Variants in RSU1 observed in about 807,000 individuals in gnomAD.
RSU1 encodes the protein Ras suppressor protein 1.
RSU1 carries 26 observed loss-of-function variants against 31.1 expected under a neutral mutation model. The observed-to-expected ratio is 0.84, with a 90% CI of 0.61 to 1.16. RSU1 has a LOEUF of 1.16. Ranked by LOEUF, RSU1 falls within the 50% of genes most tolerant of loss-of-function variation. The probability of loss-of-function intolerance (pLI) is 0.00; values close to 1 mark genes in which losing one functional copy is unlikely to be tolerated. For missense variants in RSU1, 320 were observed against 339.1 expected (o/e 0.94, Z 0.44); for synonymous variants, 164 against 136.3 (o/e 1.20, Z -1.41).
At chr10:16,770,822 T>C (rs1258536003) in intron 3 of RSU1, among the ~76,000 whole-genome samples, 2 of 152,218 alleles carry the variant, frequency 1.3e-5, no homozygotes, top group South Asian at 2.1e-4. Context: ...AACGCTACTG[T>C]CTCGTGCCCA....
chr10:16,727,235 C>CT (rs1456880398), intron 7 of RSU1: 1 of 427,608 alleles, frequency 2.3e-6, no homozygotes, highest in African/African-American at 2.0e-5. Context: ...CTGGCTGCAT[C>CT]TTTTGTTATA....
At chr10:16,720,252 C>T (rs1836226190) in intron 7 of RSU1, among the ~76,000 whole-genome samples, 2 of 152,162 alleles carry the variant, frequency 1.3e-5, no homozygotes, top group Non-Finnish European at 2.9e-5. Flanking sequence ...TAAACCAGTA[C>T]CTAACCATAG....
At chr10:16,790,322 A>C (rs1837884973) in intron 2 of RSU1, among the ~76,000 whole-genome samples, 1 of 152,180 alleles carries the variant, frequency 6.6e-6, no homozygotes, top group Non-Finnish European at 1.5e-5. Context: ...GGATTATACC[A>C]GCTGTCCCTC....
chr10:16,806,821 T>G (rs1838279545), intron 2 of RSU1, among the ~76,000 whole-genome samples: 1 of 152,198 alleles, frequency 6.6e-6, no homozygotes, highest in Admixed American at 6.5e-5. Flanking sequence ...TGGCGTGATC[T>G]TAGCCCACTG....
intron 7 of RSU1, among the ~76,000 whole-genome samples, chr10:16,711,362 G>T (rs1836015740): frequency 6.6e-6 from 1 of 151,854 alleles, no homozygotes; most frequent in African/African-American, 2.4e-5. Flanking sequence ...TCGTTTTCTT[G>T]ATCTTTTGAA....
intron 8 of RSU1, among the ~76,000 whole-genome samples, chr10:16,620,180 A>C (rs945467777): frequency 1.3e-5 from 2 of 152,204 alleles, no homozygotes; most frequent in African/African-American, 2.4e-5. Flanking sequence ...AGTTTTTCTC[A>C]TAAAAAAGTA....
At chr10:16,802,929 A>G (rs1446879994) in intron 2 of RSU1, among the ~76,000 whole-genome samples, 1 of 152,206 alleles carries the variant, frequency 6.6e-6, no homozygotes, top group East Asian at 1.9e-4. Context: ...AAGATACTTA[A>G]TGTTAAGGAA....
chr10:16,669,023 C>A (rs1252445226), intron 8 of RSU1, among the ~76,000 whole-genome samples: 1 of 152,130 alleles, frequency 6.6e-6, no homozygotes, highest in Non-Finnish European at 1.5e-5. Context: ...TACTGTTGTG[C>A]TTTCTGTAGC....
chr10:16,662,174 G>A (rs1047875656), intron 8 of RSU1, among the ~76,000 whole-genome samples: 4 of 152,184 alleles, frequency 2.6e-5, no homozygotes, highest in African/African-American at 9.7e-5. Context: ...AATTCATTCT[G>A]TAACACCCAC....
intron 8 of RSU1, among the ~76,000 whole-genome samples, chr10:16,606,187 A>C (rs530389857): frequency 1.3e-5 from 2 of 152,238 alleles, no homozygotes; most frequent in East Asian, 3.8e-4. Flanking sequence ...TGATTCTACT[A>C]AATTCCTTTA....
At chr10:16,735,198 A>G (rs1248390523) in intron 7 of RSU1, among the ~76,000 whole-genome samples, 2 of 152,254 alleles carry the variant, frequency 1.3e-5, no homozygotes, top group African/African-American at 4.8e-5. Context: ...GTTAAAAAGC[A>G]ATAAAGACCA....
intron 4 of RSU1, among the ~76,000 whole-genome samples, chr10:16,758,420 C>T (rs1588516569): frequency 6.6e-6 from 1 of 152,180 alleles, no homozygotes. Context: ...ATGCTCAGGG[C>T]CCCGCTCTGA....
At chr10:16,728,535 G>A (rs909972203) in intron 7 of RSU1, among the ~76,000 whole-genome samples, 11 of 152,140 alleles carry the variant, frequency 7.2e-5, no homozygotes, top group African/African-American at 2.4e-4. Flanking sequence ...CAAACGCAAC[G>A]GAACTATGAG....
At chr10:16,636,071 T>C (rs565735078) in intron 8 of RSU1, among the ~76,000 whole-genome samples, 1 of 152,352 alleles carries the variant, frequency 6.6e-6, no homozygotes, top group Admixed American at 6.5e-5. Flanking sequence ...GCTTGGTGTA[T>C]GAAGTACTTC....
intron 8 of RSU1, among the ~76,000 whole-genome samples, chr10:16,692,728 TATTTTTTTAA>T (rs1393085768): frequency 1.3e-5 from 2 of 152,210 alleles, no homozygotes; most frequent in East Asian, 3.9e-4. Flanking sequence ...GCTACATTCG[TATTTTTTTAA>T]AAAAAATTGA....
At position 16,665,189 on chromosome 10, in the gene RSU1, C is replaced by T. The variant is rs1292386532; in HGVS notation, c.731+29834G>A. On this transcript the variant is annotated intron_variant, in intron 8 of 8. Coordinates refer to ENST00000345264, the MANE Select transcript of RSU1 (RefSeq NM_012425.4). ...AAACTCCTCACCTCAGGTGATCCCACCTGCCTCAGCCTCCCAAAGTGCTGG... is the reference window on the plus strand; with the variant it reads ...AAACTCCTCACCTCAGGTGATCCCATCTGCCTCAGCCTCCCAAAGTGCTGG... Among the ~76,000 whole-genome samples, 4 of 152,290 alleles carry T rather than the reference C, an allele frequency of 2.6e-5. No homozygotes were observed. The East Asian group carries it at 7.7e-4, about 29-fold the overall frequency.
At chr10:16,690,784 T>C (rs1471699537) in intron 8 of RSU1, among the ~76,000 whole-genome samples, 1 of 152,174 alleles carries the variant, frequency 6.6e-6, no homozygotes, top group African/African-American at 2.4e-5. Flanking sequence ...TTTAGTTCTT[T>C]ATTCCTCTCA....
At chr10:16,738,768 T>C (rs1378148172) in intron 7 of RSU1, among the ~76,000 whole-genome samples, 1 of 152,196 alleles carries the variant, frequency 6.6e-6, no homozygotes, top group African/African-American at 2.4e-5. Context: ...CATATACACG[T>C]ACCATGGTGG....
intron 2 of RSU1, among the ~76,000 whole-genome samples, chr10:16,816,181 A>G (rs1330343631): frequency 6.6e-6 from 1 of 152,232 alleles, no homozygotes; most frequent in African/African-American, 2.4e-5. Flanking sequence ...ATAAAAATAT[A>G]GAATCTTGGT....
Sources: allele counts gnomAD v4.1 joint callset (sites outside exome capture counted in the v4.1 genomes callset), GRCh38; gene constraint gnomAD v4.1.1; transcripts MANE v1.5; gene names NCBI Gene and HGNC (gene_info 2026-07-23, HGNC 2026-07-21).